Variants in WAC observed in about 807,000 individuals in gnomAD.
The protein encoded by WAC is WW domain-containing adapter protein with coiled-coil.
Under a neutral mutation model 79.6 loss-of-function variants are expected in WAC, and 11 were observed. The ratio of observed to expected loss-of-function variants is 0.14; its 90% confidence interval spans 0.09 to 0.23. The LOEUF (loss-of-function observed/expected upper bound fraction) is 0.23. WAC is among the 10% of genes least tolerant of loss of function. The probability of loss-of-function intolerance (pLI) is 1.00; values close to 1 mark genes in which losing one functional copy is unlikely to be tolerated. For missense variants in WAC, 728 were observed against 773.5 expected (o/e 0.94, Z 0.70); for synonymous variants, 304 against 276.9 (o/e 1.10, Z -0.97).
At chr10:28,576,194 A>G (rs1249473637) in intron 3 of WAC, among the ~76,000 whole-genome samples, 9 of 152,230 alleles carry the variant, frequency 5.9e-5, no homozygotes, top group Admixed American at 5.9e-4. Flanking sequence ...CCATAGTAAT[A>G]TATACATAAT....
In WAC at chr10:28,611,775, C is replaced by G. The variant is rs1462829866; in HGVS notation, c.1290C>G (p.Ala430=). The G allele has an allele frequency of 5.0e-6, 8 of 1,610,394 alleles. No homozygotes were observed. Among genetic ancestry groups the G allele is most frequent in the Non-Finnish European group, 6.8e-6 (8 of 1,179,136 alleles). The change falls in exon 10 of 14, where the codon GCC becomes GCG. Residue 430 remains alanine (A), a splice_region_variant and synonymous_variant. Transcript: ENST00000354911. The part of the protein sequence containing the change: ...ISQAAQLSTQ[A]QPSNQSPMSL... ...ATTAATTGCTTCCCTCTTTTACAGCCCAGCCATCTAATCAGTCTCCGATGT... is the reference window on the plus strand; with the variant it reads ...ATTAATTGCTTCCCTCTTTTACAGCGCAGCCATCTAATCAGTCTCCGATGT...
In WAC at chr10:28,557,652, C is replaced by G. The variant is rs540583662; in HGVS notation, c.274+21895C>G. On this transcript the variant is annotated intron_variant, in intron 3 of 13. Coordinates refer to ENST00000354911, the MANE Select transcript of WAC (RefSeq NM_016628.5). Reference sequence around the variant, plus strand: ...GAGGCTGCAGTGAGCCATCATTGTTCCACTGCACTCCAGCCTGGGAGACAG... The same window carrying G: ...GAGGCTGCAGTGAGCCATCATTGTTGCACTGCACTCCAGCCTGGGAGACAG... Among the ~76,000 whole-genome samples the G allele has an allele frequency of 3.5e-4, 53 of 152,132 alleles. No homozygotes were observed. In the East Asian group the frequency reaches 6.8e-3, roughly 19 times the overall value.
At chr10:28,612,147 A>T (rs979435427) in intron 10 of WAC, among the ~76,000 whole-genome samples, 7 of 152,162 alleles carry the variant, frequency 4.6e-5, no homozygotes, top group Non-Finnish European at 1.0e-4. Context: ...TCTGTTCCCT[A>T]ATGGTTTTGG....
rs1461767295 is a variant in WAC, at chr10:28,610,709, A to G, written c.1176A>G (p.Ala392=). 3.7e-6 allele frequency: 6 copies of G among 1,608,690 alleles called. No individual in the cohort carries two copies. In the African/African-American group the frequency reaches 8.0e-5, roughly 22 times the overall value. ...DISKINEVLT[A]AVTQASLQSI... ...ATAATATGTTTTTAGTTCTTACAGC[A>G]GCTGTGACACAAGCCTCACTGCAGT... Residue 392 remains alanine, a synonymous_variant, in exon 9 of 14, where the codon GCA becomes GCG. Coordinates refer to ENST00000354911, the MANE Select transcript of WAC (RefSeq NM_016628.5).
At chr10:28,546,867 CT>C (rs76863753) in intron 3 of WAC, among the ~76,000 whole-genome samples, 31,395 of 141,748 alleles carry the variant, frequency 0.22, 3,423 homozygotes, top group Non-Finnish European at 0.26. Flanking sequence ...TTTGATTTGT[CT>C]TTTTTTTTTT....
chr10:28,583,430 C>T lies in WAC; in HGVS notation c.306C>T (p.His102=). 6.3e-7 allele frequency: 1 copy of T among 1,588,656 alleles called. No homozygotes were observed. The highest frequency in any genetic ancestry group is 8.5e-7 in the Non-Finnish European group (1 of 1,170,636). The stretch of plus-strand genomic sequence containing the variant: ...GTTACTCTCCACAAGAAAATTCACA[C>T]AACCACAGTGCTCTTCATAGTTCAA... ...GTSYSPQENS[H]NHSALHSSNS... The change falls in exon 4 of 14, where the codon CAC becomes CAT. Residue 102 remains histidine (H), a synonymous_variant. Transcript: ENST00000354911.
At chr10:28,571,724 C>T (rs1319357883) in intron 3 of WAC, among the ~76,000 whole-genome samples, 2 of 152,164 alleles carry the variant, frequency 1.3e-5, no homozygotes, top group Admixed American at 6.5e-5. Context: ...AAGTTGAAAT[C>T]CACTTCTTGG....
chr10:28,601,876 A>G (rs1400683872), intron 7 of WAC, among the ~76,000 whole-genome samples: 1 of 152,184 alleles, frequency 6.6e-6, no homozygotes, highest in East Asian at 1.9e-4. Flanking sequence ...AATAGTAGTT[A>G]CCAGGGACTG....
intron 6 of WAC, among the ~76,000 whole-genome samples, chr10:28,594,550 C>T (rs1840256580): frequency 6.6e-6 from 1 of 152,062 alleles, no homozygotes; most frequent in South Asian, 2.1e-4. Flanking sequence ...AGACCTCGTG[C>T]TTTGATGTGA....
chr10:28,544,507 T>C (rs910592874), intron 3 of WAC, among the ~76,000 whole-genome samples: 6 of 152,178 alleles, frequency 3.9e-5, no homozygotes, highest in Non-Finnish European at 8.8e-5. Context: ...TGTAAAGCAT[T>C]TACCTCAGTG....
chr10:28,533,573 G>A lies in WAC; in HGVS notation c.-7G>A. 1 of 1,569,298 alleles carries A rather than the reference G, an allele frequency of 6.4e-7. No homozygotes were observed. Among genetic ancestry groups the A allele is most frequent in the Non-Finnish European group, 8.7e-7 (1 of 1,155,980 alleles). ...CTCCCCGACACACACTCACAGGCCG[G>A]GCATTGATGGTAATGTATGCGAGGA... On this transcript the variant is annotated 5_prime_UTR_variant, in exon 1 of 14. Transcript: ENST00000354911.
At chr10:28,606,794 C>G (rs961334147) in intron 7 of WAC, among the ~76,000 whole-genome samples, 9 of 152,024 alleles carry the variant, frequency 5.9e-5, no homozygotes, top group African/African-American at 2.2e-4. Context: ...AGGGTGTGTA[C>G]CTAAAGGGGA....
At chr10:28,585,544 CTT>C (rs112475517) in intron 4 of WAC, among the ~76,000 whole-genome samples, 8 of 141,236 alleles carry the variant, frequency 5.7e-5, no homozygotes, top group Non-Finnish European at 6.2e-5. Context: ...TTTTTCCTTT[CTT>C]TTTTTTTTTT....
At chr10:28,554,005 T>C (rs924239639) in intron 3 of WAC, among the ~76,000 whole-genome samples, 9 of 152,246 alleles carry the variant, frequency 5.9e-5, no homozygotes, top group Admixed American at 3.3e-4. Flanking sequence ...TGTCCAGGAC[T>C]ACAGGCGCAT....
chr10:28,595,249 TATTCA>T (rs1279633703), intron 6 of WAC, among the ~76,000 whole-genome samples: 1 of 152,230 alleles, frequency 6.6e-6, no homozygotes, highest in African/African-American at 2.4e-5. Context: ...TGTAGCTTAG[TATTCA>T]GAAAGACCAG....
intron 11 of WAC, chr10:28,615,562 C>A (rs1479267328): frequency 1.3e-5 from 2 of 152,198 alleles, no homozygotes; most frequent in Non-Finnish European, 2.9e-5. Context: ...AGAGCCAAGT[C>A]TGGTGAAGCA....
At chr10:28,560,818 A>G (rs886348987) in intron 3 of WAC, among the ~76,000 whole-genome samples, 1 of 152,226 alleles carries the variant, frequency 6.6e-6, no homozygotes, top group African/African-American at 2.4e-5. Flanking sequence ...GGGTGTTGCC[A>G]GCTTTGACCA....
At chr10:28,595,447 C>CTA (rs1840311384) in intron 6 of WAC, among the ~76,000 whole-genome samples, 1 of 151,014 alleles carries the variant, frequency 6.6e-6, no homozygotes, top group African/African-American at 2.4e-5. Context: ...TTTGTTTGAA[C>CTA]TACAGTGTGA....
chr10:28,614,779 C>CT (rs1460023499), intron 11 of WAC, 94 bp downstream of exon 11: 11 of 1,057,638 alleles, frequency 1.0e-5, no homozygotes, highest in African/African-American at 1.6e-5. Context: ...AGAACTTAAC[C>CT]TTTAAACTCC....
Sources: gnomAD v4.1 joint callset for allele counts (sites outside exome capture counted in the v4.1 genomes callset) on GRCh38, gnomAD v4.1.1 for gene constraint, MANE v1.5 for transcripts, NCBI Gene and HGNC (gene_info 2026-07-23, HGNC 2026-07-21) for gene names.